The following PPP2R5C variants were observed in gnomAD, a reference collection of about 807,000 sequenced individuals.
The protein encoded by PPP2R5C is serine/threonine-protein phosphatase 2A 56 kDa regulatory subunit gamma isoform.
In PPP2R5C, 7 loss-of-function variants were observed where a neutral mutation model predicts 68.9. That is an observed-to-expected ratio of 0.10 (90% CI 0.06 to 0.19). The LOEUF (loss-of-function observed/expected upper bound fraction) is 0.19, where lower values mean the gene tolerates loss of function less well. Ranked by LOEUF, PPP2R5C falls within the 10% of genes least tolerant of loss-of-function variation. PPP2R5C has a pLI of 1.00. For synonymous variants in PPP2R5C, 210 were observed against 222.2 expected (o/e 0.95, Z 0.49); for missense variants, 348 against 641.3 (o/e 0.54, Z 4.94).
intron 2 of PPP2R5C, among the ~76,000 whole-genome samples, chr14:101,870,283 C>A (rs2043320792): frequency 6.6e-6 from 1 of 152,024 alleles, no homozygotes; most frequent in Admixed American, 6.6e-5. Context: ...TCTGCCAAAC[C>A]TAAGCTCACA....
intron 1 of PPP2R5C, among the ~76,000 whole-genome samples, chr14:101,822,906 G>A (rs751790704): frequency 5.9e-5 from 9 of 152,108 alleles, no homozygotes; most frequent in African/African-American, 9.7e-5. Flanking sequence ...TTGGTGGGCC[G>A]TGTGTGTATA....
intron 2 of PPP2R5C, among the ~76,000 whole-genome samples, chr14:101,876,603 A>G (rs59002054): frequency 0.12 from 18,750 of 152,196 alleles, 1,835 homozygotes; most frequent in African/African-American, 0.26. Flanking sequence ...GTTTACATCT[A>G]ATTTAATAAA....
intron 2 of PPP2R5C, chr14:101,766,743 G>A (rs2036881164): frequency 6.6e-6 from 1 of 152,192 alleles, no homozygotes; most frequent in African/African-American, 2.4e-5. Flanking sequence ...ACGGGCTCAT[G>A]GGTCACTTGA....
chr14:101,922,177 A>G (rs962332720), intron 13 of PPP2R5C: 8 of 985,438 alleles, frequency 8.1e-6, no homozygotes, highest in South Asian at 4.7e-5. Flanking sequence ...TGTGATGGTC[A>G]AAACAAAGAA....
chr14:101,800,327 C>T (rs2038804502), intron 3 of PPP2R5C, among the ~76,000 whole-genome samples: 1 of 152,086 alleles, frequency 6.6e-6, no homozygotes, highest in Admixed American at 6.5e-5. Context: ...TTCGGGAGGC[C>T]GAGGCAGGCG....
At chr14:101,824,131 A>G in intron 1 of PPP2R5C, 1 of 1,287,604 alleles carries the variant, frequency 7.8e-7, no homozygotes, top group Middle Eastern at 2.1e-4. Flanking sequence ...TTCATGTTCA[A>G]GCTGCATTTT....
chr14:101,818,857 A>G, intron 1 of PPP2R5C: 7 of 651,606 alleles, frequency 1.1e-5, no homozygotes, highest in Non-Finnish European at 1.9e-5. Flanking sequence ...AGGTTTTTTC[A>G]GTTTGTCATC....
intron 2 of PPP2R5C, among the ~76,000 whole-genome samples, chr14:101,776,861 C>T (rs1235715870): frequency 6.6e-6 from 1 of 151,406 alleles, no homozygotes; most frequent in Non-Finnish European, 1.5e-5. Context: ...CATGTTGTAG[C>T]GTGCGTCATA....
At chr14:101,864,497 G>A (rs1048266384) in intron 2 of PPP2R5C, among the ~76,000 whole-genome samples, 1 of 152,208 alleles carries the variant, frequency 6.6e-6, no homozygotes, top group African/African-American at 2.4e-5. Flanking sequence ...GGCAGCAGAC[G>A]TAATGATACG....
chr14:101,918,390 AC>A (rs2046804139), intron 13 of PPP2R5C, among the ~76,000 whole-genome samples: 2 of 12,836 alleles, frequency 1.6e-4, no homozygotes, highest in Non-Finnish European at 3.0e-4. Context: ...CTGTCCCCTC[AC>A]CCCCTTGCCC....
chr14:101,908,200 A>G (rs1754306323), intron 10 of PPP2R5C, among the ~76,000 whole-genome samples: 2 of 152,190 alleles, frequency 1.3e-5, no homozygotes, highest in African/African-American at 4.8e-5. Context: ...TACCTGGCTT[A>G]TGATAGGCAC....
upstream of PPP2R5C, among the ~76,000 whole-genome samples, chr14:101,808,343 G>A (rs2448237): frequency 4.2e-3 from 647 of 152,270 alleles, 11 homozygotes; most frequent in African/African-American, 0.015. Context: ...GAGGCCGGCA[G>A]CCTGCTCAGG....
chr14:101,814,165 A>G (rs1423858994), intron 1 of PPP2R5C, among the ~76,000 whole-genome samples: 2 of 152,246 alleles, frequency 1.3e-5, no homozygotes, highest in African/African-American at 2.4e-5. Flanking sequence ...GGAAGGAAAA[A>G]TGTTTGAATG....
intron 2 of PPP2R5C, among the ~76,000 whole-genome samples, chr14:101,872,404 A>G (rs754097537): frequency 4.6e-5 from 7 of 151,304 alleles, no homozygotes; most frequent in Non-Finnish European, 8.8e-5. Context: ...TGTCCAGCTA[A>G]TTTTTTTACT....
upstream of PPP2R5C, chr14:101,760,756 G>C: frequency 1.2e-6 from 1 of 829,064 alleles, no homozygotes; most frequent in Non-Finnish European, 1.4e-6. Context: ...GAGGGGAGGG[G>C]CTGGTCGAGG....
chr14:101,803,248 A>C (rs1412841985), intron 3 of PPP2R5C: 1 of 152,294 alleles, frequency 6.6e-6, no homozygotes, highest in Non-Finnish European at 1.5e-5. Context: ...AGCAGCACAT[A>C]AACTAAAATT....
chr14:101,892,857 A>G, intron 6 of PPP2R5C, 143 bp from the exon 9 acceptor site: 2 of 626,748 alleles, frequency 3.2e-6, no homozygotes, highest in Admixed American at 5.5e-5. Context: ...TAGCTGGGGC[A>G]CAGGTGCATG....
intron 1 of PPP2R5C, among the ~76,000 whole-genome samples, chr14:101,817,001 A>G (rs1475057382): frequency 1.4e-5 from 2 of 146,984 alleles, no homozygotes; most frequent in African/African-American, 5.0e-5. Flanking sequence ...CTCTGTTGCC[A>G]GGCTGGAGTG....
chr14:101,878,257 T>C (rs1303149369), intron 2 of PPP2R5C, among the ~76,000 whole-genome samples: 1 of 152,214 alleles, frequency 6.6e-6, no homozygotes, highest in Non-Finnish European at 1.5e-5. Context: ...CACCAGGGTT[T>C]AGGTCTTTAA....
Sources: gnomAD v4.1 joint callset for allele counts (sites outside exome capture counted in the v4.1 genomes callset) on GRCh38, gnomAD v4.1.1 for gene constraint, MANE v1.5 for transcripts, NCBI Gene and HGNC (gene_info 2026-07-23, HGNC 2026-07-21) for gene names.